The following LUZP2 variants were observed in gnomAD, a reference collection of about 807,000 sequenced individuals.
The protein encoded by LUZP2 is leucine zipper protein 2.
LUZP2 carries 52 observed loss-of-function variants against 51.6 expected under a neutral mutation model. The observed-to-expected ratio is 1.01, with a 90% CI of 0.81 to 1.27. LUZP2 has a LOEUF of 1.27. Among genes scored for constraint, LUZP2 ranks in the 50% most tolerant of loss-of-function variants. The probability of loss-of-function intolerance (pLI) is 0.00; values close to 1 mark genes in which losing one functional copy is unlikely to be tolerated. For missense variants in LUZP2, 436 were observed against 395.4 expected, an observed-to-expected ratio of 1.10 and a Z score of -0.87; for synonymous variants, 154 against 137.3, an observed-to-expected ratio of 1.12 and a Z score of -0.85.
At chr11:24,566,645 CAA>C (rs1393236608) in intron 1 of LUZP2, among the ~76,000 whole-genome samples, 16 of 142,166 alleles carry the variant, frequency 1.1e-4, no homozygotes, top group African/African-American at 2.6e-4. Context: ...CACACACACA[CAA>C]AAATTAGCTG....
chr11:24,997,630 C>T (rs1856548372), intron 9 of LUZP2, among the ~76,000 whole-genome samples: 1 of 151,876 alleles, frequency 6.6e-6, no homozygotes, highest in Non-Finnish European at 1.5e-5. Context: ...TTAATTAGAT[C>T]CCATTTGTCA....
At chr11:24,502,632 CCT>C (rs1417066019) in intron 1 of LUZP2, among the ~76,000 whole-genome samples, 1 of 152,104 alleles carries the variant, frequency 6.6e-6, no homozygotes, top group Non-Finnish European at 1.5e-5. Flanking sequence ...GATCCACCCG[CCT>C]CTCGACCTGC....
chr11:25,050,598 C>A (rs967095001), intron 10 of LUZP2, among the ~76,000 whole-genome samples: 1 of 152,100 alleles, frequency 6.6e-6, no homozygotes, highest in African/African-American at 2.4e-5. Context: ...GCCACTGAGC[C>A]TGGCCGTAAA....
chr11:25,059,421 C>T (rs1821368757), intron 10 of LUZP2, among the ~76,000 whole-genome samples: 2 of 152,204 alleles, frequency 1.3e-5, no homozygotes, highest in East Asian at 3.9e-4. Flanking sequence ...TTTTTGTAAT[C>T]ATTTCAGTGA....
chr11:24,788,845 T>C (rs1849324765), intron 5 of LUZP2, among the ~76,000 whole-genome samples: 1 of 152,094 alleles, frequency 6.6e-6, no homozygotes, highest in Admixed American at 6.6e-5. Context: ...TCTTTTGTTC[T>C]ATTCAGGCCT....
intron 1 of LUZP2, among the ~76,000 whole-genome samples, chr11:24,508,804 T>G (rs1850216282): frequency 6.6e-6 from 1 of 152,130 alleles, no homozygotes; most frequent in Admixed American, 6.6e-5. Flanking sequence ...TTCAGTGCCT[T>G]ATGAAGTGCT....
chr11:25,046,199 C>A (rs1858301170), intron 9 of LUZP2, among the ~76,000 whole-genome samples: 1 of 139,472 alleles, frequency 7.2e-6, no homozygotes, highest in Non-Finnish European at 1.5e-5. Context: ...TTGGGATATA[C>A]CATACCATGA....
chr11:24,978,564 A>G (rs1855941349), intron 8 of LUZP2, among the ~76,000 whole-genome samples: 1 of 151,738 alleles, frequency 6.6e-6, no homozygotes, highest in Non-Finnish European at 1.5e-5. Flanking sequence ...TAGTCAGTCA[A>G]TGACTAAATA....
At chr11:24,568,355 G>GAA (rs35908367) in intron 1 of LUZP2, among the ~76,000 whole-genome samples, 123 of 127,240 alleles carry the variant, frequency 9.7e-4, no homozygotes, top group African/African-American at 1.7e-3. Flanking sequence ...ATCTGTCTCA[G>GAA]AAAAAAAAAA....
intron 1 of LUZP2, among the ~76,000 whole-genome samples, chr11:24,558,464 GAA>G (rs5790414): frequency 7.9e-5 from 12 of 151,464 alleles, no homozygotes; most frequent in East Asian, 5.8e-4. Flanking sequence ...AAACATTTGT[GAA>G]AAAAAAAATT....
intron 1 of LUZP2, among the ~76,000 whole-genome samples, chr11:24,715,990 CT>C (rs1464437986): frequency 6.6e-6 from 1 of 151,976 alleles, no homozygotes; most frequent in Non-Finnish European, 1.5e-5. Context: ...AACCTACTTT[CT>C]TGCTTGTAGA....
In LUZP2 at chr11:25,075,562, G is replaced by A. The variant is rs111462423; in HGVS notation, c.859-1767G>A. On this transcript the variant is annotated intron_variant, in intron 10 of 11. Transcript: ENST00000336930. The stretch of plus-strand genomic sequence containing the variant: ...AAGTTATTCACAATATATTGGGGAG[G>A]CAGGCATGATTACACATATAAAAAC... 4.6e-5 allele frequency among the ~76,000 whole-genome samples: 7 copies of A among 152,232 alleles called. No individual in the cohort carries two copies. In the East Asian group the frequency reaches 1.3e-3, roughly 29 times the overall value.
At chr11:24,746,446 A>G (rs1461808972) in intron 4 of LUZP2, among the ~76,000 whole-genome samples, 2 of 152,156 alleles carry the variant, frequency 1.3e-5, no homozygotes, top group African/African-American at 4.8e-5. Context: ...GTTTTCCTTT[A>G]TAGGTTTCCT....
At chr11:24,567,425 T>G (rs895842657) in intron 1 of LUZP2, among the ~76,000 whole-genome samples, 2 of 152,030 alleles carry the variant, frequency 1.3e-5, no homozygotes, top group African/African-American at 4.8e-5. Flanking sequence ...TTTAAATAAT[T>G]AATAGAAACC....
At position 24,570,869 on chromosome 11, in the gene LUZP2, C is replaced by T. The variant is rs377112255; in HGVS notation, c.62+73564C>T. ...AGTTTTCTTTTCATAAATTAGAAAACTTAAGGCCAGAGAGGAAATGATTTA... is the reference window on the plus strand; with the variant it reads ...AGTTTTCTTTTCATAAATTAGAAAATTTAAGGCCAGAGAGGAAATGATTTA... On this transcript the variant is annotated intron_variant, in intron 1 of 11. Transcript: ENST00000336930. 2.4e-4 allele frequency among the ~76,000 whole-genome samples: 36 copies of T among 151,974 alleles called. No homozygotes were observed. In the South Asian group the frequency reaches 7.5e-3, roughly 32 times the overall value.
At position 25,082,424 on chromosome 11, in the gene LUZP2, G is replaced by C. The variant is rs1197619305; in HGVS notation, c.*3766G>C. 1.3e-5 allele frequency: 2 copies of C among 152,546 alleles called. No individual in the cohort carries two copies. 9.4% of individuals were successfully genotyped at this position (152,546 alleles called of 1,614,324 possible). On this transcript the variant is annotated 3_prime_UTR_variant, in exon 12 of 12. Coordinates refer to ENST00000336930, the MANE Select transcript of LUZP2 (RefSeq NM_001009909.4). ...GACTGAAATAATTATTGACACCGTAGAGTACCATAGAGTAGGTTGAACTGG... is the reference window on the plus strand; with the variant it reads ...GACTGAAATAATTATTGACACCGTACAGTACCATAGAGTAGGTTGAACTGG...
chr11:24,644,679 G>A (rs1855411502), intron 1 of LUZP2, among the ~76,000 whole-genome samples: 1 of 152,116 alleles, frequency 6.6e-6, no homozygotes, highest in Non-Finnish European at 1.5e-5. Flanking sequence ...TGATGCCAGT[G>A]TTGGAGGCAG....
At chr11:24,756,556 T>C (rs1859782025) in intron 4 of LUZP2, among the ~76,000 whole-genome samples, 1 of 152,262 alleles carries the variant, frequency 6.6e-6, no homozygotes, top group East Asian at 1.9e-4. Flanking sequence ...TTATTATTTC[T>C]CTTTCCGAGC....
At chr11:24,630,590 A>T (rs1249025178) in intron 1 of LUZP2, among the ~76,000 whole-genome samples, 1 of 151,434 alleles carries the variant, frequency 6.6e-6, no homozygotes, top group Non-Finnish European at 1.5e-5. Context: ...AGGTTACTAT[A>T]GCCTTGTAAC....
Sources: gnomAD v4.1 joint callset for allele counts (sites outside exome capture counted in the v4.1 genomes callset) on GRCh38, gnomAD v4.1.1 for gene constraint, MANE v1.5 for transcripts, NCBI Gene and HGNC (gene_info 2026-07-23, HGNC 2026-07-21) for gene names.